The following PPARGC1A variants were observed in gnomAD, a reference collection of about 807,000 sequenced individuals.
PPARGC1A encodes PPARG coactivator 1 alpha.
A neutral mutation model predicts 88.7 loss-of-function variants in PPARGC1A; 25 were observed. The observed-to-expected ratio is 0.28, with a 90% confidence interval of 0.21 to 0.39. PPARGC1A has a LOEUF of 0.39. PPARGC1A is among the 10% of genes least tolerant of loss of function. The probability of loss-of-function intolerance (pLI) is 1.00; values close to 1 mark genes in which losing one functional copy is unlikely to be tolerated. For synonymous variants in PPARGC1A, 363 were observed against 355.6 expected (o/e 1.02, Z -0.24); for missense variants, 880 against 968.7 (o/e 0.91, Z 1.22).
chr4:24,060,161 A>G, the PPARGC1A span, among the ~76,000 whole-genome samples: 2 of 152,196 alleles, frequency 1.3e-5, no homozygotes, highest in Non-Finnish European at 2.9e-5. Context: ...ACTTCATCTG[A>G]CTGAAGCCCA....
chr4:23,818,839 CTTTTTTTTTTTTTTTTTTTT>C lies in PPARGC1A; in HGVS notation c.878-4254_878-4235del, dbSNP rs762478316. Among the ~76,000 whole-genome samples, 55 of 49,006 alleles carry C rather than the reference CTTTTTTTTTTTTTTTTTTTT, an allele frequency of 1.1e-3. 1 individual carries two copies. Among genetic ancestry groups the C allele is most frequent in the African/African-American group, 4.1e-3 (52 of 12,648 alleles). 32.1% of individuals were successfully genotyped at this position (49,006 alleles called of 152,430 possible). A position where few individuals can be genotyped will look rare whatever the true frequency, so the allele number is the denominator to read the frequency against. On this transcript the variant is annotated intron_variant, in intron 7 of 12. Coordinates refer to ENST00000264867, the MANE Select transcript of PPARGC1A (RefSeq NM_013261.5). ...GTGATGTGCTATTCACCAATGGCAT[CTTTTTTTTTTTTTTTTTTTT>C]TTTTTTTTTGGAGTTTATAACATTT... is the stretch of plus-strand genomic sequence containing the variant.
chr4:24,358,074 T>C, the PPARGC1A span, among the ~76,000 whole-genome samples: 8 of 152,168 alleles, frequency 5.3e-5, no homozygotes, highest in Admixed American at 5.2e-4. Flanking sequence ...ATATCATACA[T>C]ATTACTCCAC....
chr4:24,465,313 TCTC>T, the PPARGC1A span, among the ~76,000 whole-genome samples: 2 of 152,216 alleles, frequency 1.3e-5, no homozygotes, highest in Non-Finnish European at 2.9e-5. Context: ...AATGGCATTT[TCTC>T]CTTTCTTCTT....
At chr4:24,387,733 C>CAAGA in the PPARGC1A span, among the ~76,000 whole-genome samples, 1 of 90,232 alleles carries the variant, frequency 1.1e-5, no homozygotes, top group Admixed American at 1.5e-4. Flanking sequence ...GAGATTCCAT[C>CAAGA]AAGAAAGAAA....
At chr4:24,414,651 C>T in the PPARGC1A span, among the ~76,000 whole-genome samples, 1 of 152,174 alleles carries the variant, frequency 6.6e-6, no homozygotes, top group East Asian at 1.9e-4. Context: ...CAGTGAGGCC[C>T]AATATAGGTA....
the PPARGC1A span, among the ~76,000 whole-genome samples, chr4:24,082,092 C>G: frequency 1.3e-5 from 2 of 152,108 alleles, no homozygotes; most frequent in African/African-American, 4.8e-5. Flanking sequence ...ACCCGAACTC[C>G]TCTGAAAAAG....
At chr4:24,152,608 G>A in the PPARGC1A span, among the ~76,000 whole-genome samples, 4 of 152,232 alleles carry the variant, frequency 2.6e-5, no homozygotes, top group South Asian at 4.2e-4. Context: ...ATAGTTTGCC[G>A]CTTATTATTA....
chr4:24,046,596 A>C, the PPARGC1A span, among the ~76,000 whole-genome samples: 1 of 152,146 alleles, frequency 6.6e-6, no homozygotes, highest in African/African-American at 2.4e-5. Context: ...GCTCAGGATA[A>C]AATCTAAGAT....
the PPARGC1A span, among the ~76,000 whole-genome samples, chr4:24,216,267 C>T: frequency 6.6e-6 from 1 of 151,720 alleles, no homozygotes; most frequent in African/African-American, 2.4e-5. Context: ...AGTGCCTCAG[C>T]CTCCCGAGTA....
At chr4:23,851,209 A>G (rs1729238138) in intron 2 of PPARGC1A, among the ~76,000 whole-genome samples, 1 of 152,192 alleles carries the variant, frequency 6.6e-6, no homozygotes, top group South Asian at 2.1e-4. Context: ...TAGTGATTCG[A>G]TTTAATCTAG....
At chr4:23,847,356 C>T (rs921452378) in intron 2 of PPARGC1A, among the ~76,000 whole-genome samples, 2 of 152,110 alleles carry the variant, frequency 1.3e-5, no homozygotes, top group Admixed American at 1.3e-4. Context: ...GCCCCTTGAC[C>T]GAAGGAGTCT....
the PPARGC1A span, among the ~76,000 whole-genome samples, chr4:24,216,794 G>C: frequency 2.0e-5 from 3 of 152,264 alleles, no homozygotes; most frequent in Admixed American, 2.0e-4. Context: ...GCACCCGTTA[G>C]ATTTCCTGAT....
intron 2 of PPARGC1A, 149 bp downstream of exon 2, chr4:23,884,603 T>C: frequency 1.6e-6 from 1 of 607,468 alleles, no homozygotes; most frequent in Non-Finnish European, 2.5e-6. Context: ...AATGCTGTTT[T>C]TCCATAAATT....
intron 4 of PPARGC1A, 109 bp downstream of exon 4, chr4:23,829,354 C>A: frequency 8.4e-7 from 1 of 1,184,538 alleles, no homozygotes; most frequent in Non-Finnish European, 1.2e-6. Context: ...CATTATGAGG[C>A]AGCTTCGGGG....
At chr4:24,377,292 C>T in the PPARGC1A span, among the ~76,000 whole-genome samples, 281 of 151,940 alleles carry the variant, frequency 1.8e-3, 1 homozygote, top group Middle Eastern at 6.8e-3. Context: ...AGTGGGGCAG[C>T]GGGGTAGGGG....
At chr4:23,898,994 C>T (rs935476153) in intron 1 of PPARGC1A, among the ~76,000 whole-genome samples, 3 of 152,030 alleles carry the variant, frequency 2.0e-5, no homozygotes, top group Non-Finnish European at 4.4e-5. Flanking sequence ...CACCACGACG[C>T]CCGGCTAATT....
the PPARGC1A span, among the ~76,000 whole-genome samples, chr4:24,005,659 G>A: frequency 6.6e-6 from 1 of 152,100 alleles, no homozygotes; most frequent in African/African-American, 2.4e-5. Context: ...CAAGGCCAAC[G>A]GAAAGGATTG....
the PPARGC1A span, among the ~76,000 whole-genome samples, chr4:24,049,167 G>A: frequency 6.8e-6 from 1 of 147,858 alleles, no homozygotes; most frequent in Non-Finnish European, 1.5e-5. Flanking sequence ...TGTGTAAGAG[G>A]GAGAAAGAGA....
the PPARGC1A span, among the ~76,000 whole-genome samples, chr4:23,925,858 T>G: frequency 6.6e-6 from 1 of 152,136 alleles, no homozygotes; most frequent in East Asian, 1.9e-4. Context: ...GAGAAAAAAA[T>G]TTTTTTAAAT....
Sources: allele counts gnomAD v4.1 joint callset (sites outside exome capture counted in the v4.1 genomes callset), GRCh38; gene constraint gnomAD v4.1.1; transcripts MANE v1.5; gene names NCBI Gene and HGNC (gene_info 2026-07-23, HGNC 2026-07-21).